BTBD9: variants seen among roughly 807,000 people sequenced by gnomAD.
BTBD9 encodes BTB/POZ domain-containing protein 9.
BTBD9 carries 49 observed loss-of-function variants against 64.3 expected under a neutral mutation model. The ratio of observed to expected loss-of-function variants is 0.76; its 90% CI spans 0.61 to 0.97. The LOEUF (loss-of-function observed/expected upper bound fraction) is 0.97. Among genes scored for constraint, BTBD9 ranks in the 50% least tolerant of loss-of-function variants. The pLI is 0.00. For missense variants in BTBD9, 598 were observed against 762.1 expected (o/e 0.78, Z 2.53); for synonymous variants, 260 against 274.7 (o/e 0.95, Z 0.53).
intron 6 of BTBD9, among the ~76,000 whole-genome samples, chr6:38,435,764 G>T (rs146018012): frequency 6.6e-6 from 1 of 151,156 alleles, no homozygotes; most frequent in East Asian, 1.9e-4. Context: ...CACCTTCTGG[G>T]TTCAAGCAAT....
chr6:38,183,177 T>C (rs1761646889), intron 10 of BTBD9, among the ~76,000 whole-genome samples: 1 of 152,174 alleles, frequency 6.6e-6, no homozygotes, highest in Non-Finnish European at 1.5e-5. Flanking sequence ...AGATGGGGTT[T>C]CACCGTGTTA....
chr6:38,454,345 G>A (rs1769692744), intron 6 of BTBD9, among the ~76,000 whole-genome samples: 1 of 151,724 alleles, frequency 6.6e-6, no homozygotes, highest in Non-Finnish European at 1.5e-5. Context: ...ATGGAATGTT[G>A]GATCATAAAG....
chr6:38,355,296 G>GATGT (rs2127594994), intron 6 of BTBD9, among the ~76,000 whole-genome samples: 1 of 152,280 alleles, frequency 6.6e-6, no homozygotes, highest in Non-Finnish European at 1.5e-5. Flanking sequence ...CATTTCCCCA[G>GATGT]ATGTACACTT....
At position 38,487,100 on chromosome 6, in the gene BTBD9, A is replaced by T. The variant is rs149561350; in HGVS notation, c.1154+90500T>A. Among the ~76,000 whole-genome samples the T allele has an allele frequency of 5.9e-5, 9 of 152,374 alleles. No homozygotes were observed. In the East Asian group the frequency reaches 1.3e-3, roughly 23 times the overall value. ...AGGATTCTAACATATTTTCAGGAAC[A>T]GCACAAAGGACACAATATAAAGAAC... is the stretch of plus-strand genomic sequence containing the variant. On this transcript the variant is annotated intron_variant, in intron 6 of 10. Transcript: ENST00000481247.
At chr6:38,179,832 G>A in intron 10 of BTBD9, 2 of 456,784 alleles carry the variant, frequency 4.4e-6, no homozygotes, top group South Asian at 3.1e-5. Context: ...AGGGGTCAGG[G>A]CAGGCTACAG....
chr6:38,436,524 C>T (rs975032431), intron 6 of BTBD9, among the ~76,000 whole-genome samples: 3 of 151,592 alleles, frequency 2.0e-5, no homozygotes, highest in East Asian at 3.9e-4. Context: ...TATAGGCGTG[C>T]GAAACCACGC....
chr6:38,521,091 G>A (rs1773252869), intron 6 of BTBD9, among the ~76,000 whole-genome samples: 1 of 151,128 alleles, frequency 6.6e-6, no homozygotes, highest in South Asian at 2.1e-4. Context: ...TTAAGATCGT[G>A]ACCTTACACA....
At chr6:38,502,642 T>G (rs904041648) in intron 6 of BTBD9, among the ~76,000 whole-genome samples, 2 of 152,234 alleles carry the variant, frequency 1.3e-5, no homozygotes, top group African/African-American at 2.4e-5. Context: ...TATCTTCATC[T>G]TCTGCGCAGG....
intron 6 of BTBD9, among the ~76,000 whole-genome samples, chr6:38,379,762 G>C (rs1341458759): frequency 1.3e-5 from 2 of 152,088 alleles, no homozygotes; most frequent in Admixed American, 1.3e-4. Context: ...CATATGCTCG[G>C]ATATTAATTA....
intron 6 of BTBD9, among the ~76,000 whole-genome samples, chr6:38,353,167 A>G (rs1033480): frequency 0.66 from 101,122 of 152,088 alleles, 34,943 homozygotes; most frequent in East Asian, 0.95. Context: ...CTAAGGTGTA[A>G]ACATAGTACA....
chr6:38,434,716 C>T (rs1768629843), intron 6 of BTBD9, among the ~76,000 whole-genome samples: 1 of 151,968 alleles, frequency 6.6e-6, no homozygotes, highest in East Asian at 1.9e-4. Flanking sequence ...AAATAGCTTT[C>T]TCTTACACAC....
chr6:38,346,696 G>C (rs4711537), intron 6 of BTBD9, among the ~76,000 whole-genome samples: 12,382 of 152,070 alleles, frequency 0.081, 917 homozygotes, highest in African/African-American at 0.18. Context: ...CTTCACTTTG[G>C]CAGTGACAAT....
chr6:38,534,666 G>T (rs1418295374), intron 6 of BTBD9, among the ~76,000 whole-genome samples: 2 of 151,906 alleles, frequency 1.3e-5, no homozygotes, highest in East Asian at 3.9e-4. Context: ...ACATTAAAAA[G>T]TTCATTCATC....
intron 4 of BTBD9, among the ~76,000 whole-genome samples, chr6:38,584,398 CATA>C (rs1776422316): frequency 6.6e-6 from 1 of 152,050 alleles, no homozygotes; most frequent in Non-Finnish European, 1.5e-5. Context: ...ATTTTTAATG[CATA>C]ATATTAAGCT....
intron 6 of BTBD9, among the ~76,000 whole-genome samples, chr6:38,506,770 C>CT (rs1772542342): frequency 6.6e-6 from 1 of 152,158 alleles, no homozygotes; most frequent in South Asian, 2.1e-4. Context: ...GTCATTGTGA[C>CT]TTTTTTTAGA....
intron 7 of BTBD9, among the ~76,000 whole-genome samples, chr6:38,341,910 T>C (rs1310663749): frequency 6.6e-6 from 1 of 152,184 alleles, no homozygotes; most frequent in East Asian, 1.9e-4. Context: ...CCTCTTCTCG[T>C]GGCTATATGA....
intron 7 of BTBD9, among the ~76,000 whole-genome samples, chr6:38,325,837 C>G (rs1334703757): frequency 2.0e-5 from 3 of 152,210 alleles, no homozygotes; most frequent in African/African-American, 7.2e-5. Flanking sequence ...TTGGGTTGAT[C>G]TTCTGGTCCT....
intron 6 of BTBD9, among the ~76,000 whole-genome samples, chr6:38,495,444 G>A (rs976253513): frequency 5.9e-5 from 9 of 152,322 alleles, no homozygotes; most frequent in Admixed American, 5.9e-4. Flanking sequence ...GGAGTCACAT[G>A]GGTGAATCAA....
chr6:38,307,294 T>TC (rs1762662057), intron 7 of BTBD9, among the ~76,000 whole-genome samples: 1 of 152,190 alleles, frequency 6.6e-6, no homozygotes. Flanking sequence ...TTGGAAACTA[T>TC]CAAAAAGCTG....
Sources: gnomAD v4.1 joint callset for allele counts (sites outside exome capture counted in the v4.1 genomes callset) on GRCh38, gnomAD v4.1.1 for gene constraint, MANE v1.5 for transcripts, NCBI Gene and HGNC (gene_info 2026-07-23, HGNC 2026-07-21) for gene names.